The following MX2 variants were observed in gnomAD, a reference collection of about 807,000 sequenced individuals.
The protein encoded by MX2 is interferon-induced GTP-binding protein Mx2.
Under a neutral mutation model 74.0 loss-of-function variants are expected in MX2, and 51 were observed. That is an observed-to-expected ratio of 0.69 (90% CI 0.55 to 0.87). MX2 has a LOEUF of 0.87. MX2 is among the 40% of genes least tolerant of loss of function. The pLI is 0.00. For missense variants in MX2, 832 were observed against 908.7 expected (o/e 0.92, Z 1.09); for synonymous variants, 369 against 339.3 (o/e 1.09, Z -0.96).
chr21:41,376,119 G>A (rs2089398069), intron 1 of MX2, among the ~76,000 whole-genome samples: 1 of 152,216 alleles, frequency 6.6e-6, no homozygotes, highest in South Asian at 2.1e-4. Context: ...CGGGTGTGAG[G>A]CCAGGTCTGG....
In MX2 at chr21:41,380,854, A is replaced by G. The variant is rs1197649631; in HGVS notation, c.577+703A>G. ...CTGCCCCAGGCACTGGAGCCTCTCA[A>G]CCTCCCTAAAGGCTTCTCCCCTATC... On this transcript the variant is annotated intron_variant, in intron 4 of 13. Coordinates refer to ENST00000330714, the MANE Select transcript of MX2 (RefSeq NM_002463.2). The surrounding 1 kb of genome is among the most constrained non-coding windows in gnomAD (Gnocchi z 4.3). Among the ~76,000 whole-genome samples the G allele has an allele frequency of 6.6e-6, 1 of 151,908 alleles. No homozygotes were observed. The highest frequency in any genetic ancestry group is 1.5e-5 in the Non-Finnish European group (1 of 67,968).
chr21:41,402,949 A>G lies in MX2; in HGVS notation c.1574-318A>G, dbSNP rs1052930855. On this transcript the variant is annotated intron_variant, in intron 11 of 13. Coordinates refer to ENST00000330714, the MANE Select transcript of MX2 (RefSeq NM_002463.2). This position sits in a 1 kb window ranked among gnomAD's most constrained non-coding sequence, Gnocchi z 4.5. ...AGCAGTGCTCACTAGCTCACTGCACACCTCCTGCCGGACACGGACTGGAAC... is the reference window on the plus strand; with the variant it reads ...AGCAGTGCTCACTAGCTCACTGCACGCCTCCTGCCGGACACGGACTGGAAC... The G allele has an allele frequency of 1.6e-5, 5 of 317,312 alleles. No individual in the cohort carries two copies. The highest frequency in any genetic ancestry group is 3.1e-5 in the Non-Finnish European group (5 of 162,580). 19.7% of individuals were successfully genotyped at this position (317,312 alleles called of 1,614,324 possible). A position where few individuals can be genotyped will look rare whatever the true frequency, so the allele number is the denominator to read the frequency against.
At chr21:41,403,599 C>G (rs186997228) in intron 12 of MX2, 1 of 705,198 alleles carries the variant, frequency 1.4e-6, no homozygotes, top group Non-Finnish European at 2.7e-6. Context: ...TTCTGCACGA[C>G]CTTACGCAGG....
intron 1 of MX2, among the ~76,000 whole-genome samples, chr21:41,369,188 AG>A (rs905024819): frequency 2.9e-4 from 44 of 152,126 alleles, no homozygotes; most frequent in Admixed American, 1.0e-3. Context: ...CCATGGGAGG[AG>A]GGGGGTGCAG....
intron 1 of MX2, chr21:41,373,805 T>TAAAAAAAA (rs34254609): frequency 9.9e-5 from 9 of 91,152 alleles, no homozygotes; most frequent in African/African-American, 3.4e-4. Flanking sequence ...CTCTCAAACT[T>TAAAAAAAA]AAAAAAAAAA....
At chr21:41,399,497 A>C (rs2089782182) in intron 10 of MX2, 160 bp downstream of exon 10, 1 of 722,628 alleles carries the variant, frequency 1.4e-6, no homozygotes, top group Non-Finnish European at 2.2e-6. Context: ...AAAACCCAGA[A>C]ATATGGGGCA....
chr21:41,382,436 C>CG lies in MX2; in HGVS notation c.608dup (p.Ile204HisfsTer4). The stretch of plus-strand genomic sequence containing the variant: ...CCAGAACGTCATGGCCGGGAATGGC[C>CG]GGGGCATCAGCCATGAGCTCATCAG... On this transcript the variant is annotated frameshift_variant, in exon 5 of 14. Transcript: ENST00000330714. LOFTEE classifies it high-confidence loss of function. 1 of 1,614,110 alleles carries CG rather than the reference C, an allele frequency of 6.2e-7. No homozygotes were observed. The highest frequency in any genetic ancestry group is 8.5e-7 in the Non-Finnish European group (1 of 1,180,036).
At chr21:41,376,799 T>C in intron 1 of MX2, 37 bp from the exon 2 acceptor site, 2 of 1,516,896 alleles carry the variant, frequency 1.3e-6, no homozygotes, top group Non-Finnish European at 8.9e-7. Context: ...GGACTTCTGG[T>C]GACCTGTGGG....
chr21:41,390,458 G>A lies in MX2; in HGVS notation c.733-107G>A, dbSNP rs113607310. The A allele has an allele frequency of 1.1e-4, 168 of 1,492,026 alleles. No homozygotes were observed. In the African/African-American group the frequency reaches 2.2e-3, roughly 19 times the overall value. 92.4% of individuals were successfully genotyped at this position (1,492,026 alleles called of 1,614,324 possible). A position where few individuals can be genotyped will look rare whatever the true frequency, so the allele number is the denominator to read the frequency against. ...GCCTAGCAAAGCCCAGAGTCACACT[G>A]TGGGACAATGTTGCCTTTGCGCCAT... On this transcript the variant is annotated intron_variant, in intron 5 of 13. Transcript: ENST00000330714.
At chr21:41,390,787 C>A in intron 6 of MX2, 84 bp downstream of exon 6, 1 of 1,470,024 alleles carries the variant, frequency 6.8e-7, no homozygotes, top group Non-Finnish European at 9.4e-7. Flanking sequence ...GGGCGGATCA[C>A]GAGGTCAGGA....
At chr21:41,385,664 C>T (rs924288749) in intron 5 of MX2, among the ~76,000 whole-genome samples, 2 of 152,118 alleles carry the variant, frequency 1.3e-5, no homozygotes, top group Non-Finnish European at 2.9e-5. Context: ...TTAGAGGCCA[C>T]TATAGAGCTA....
chr21:41,370,944 G>C (rs1226472228), intron 1 of MX2, among the ~76,000 whole-genome samples: 1 of 152,248 alleles, frequency 6.6e-6, no homozygotes, highest in Non-Finnish European at 1.5e-5. Context: ...ATGGGTGGCA[G>C]ATCCAGCAAG....
intron 4 of MX2, among the ~76,000 whole-genome samples, chr21:41,381,681 T>G (rs2089495536): frequency 9.3e-6 from 1 of 107,802 alleles, no homozygotes; most frequent in Admixed American, 1.1e-4. Context: ...CGAGACTCTG[T>G]CTCAAAAAAA....
At chr21:41,381,232 C>T (rs1197997037) in intron 4 of MX2, among the ~76,000 whole-genome samples, 1 of 152,234 alleles carries the variant, frequency 6.6e-6, no homozygotes, top group Non-Finnish European at 1.5e-5. Flanking sequence ...GCTGTGCCCA[C>T]CACAGCTACT....
Position 41,377,911 on chromosome 21 carries a change from C to A in MX2, c.372C>A (p.Ile124=). 4 of 1,614,212 alleles carry A rather than the reference C, an allele frequency of 2.5e-6. No individual in the cohort carries two copies. The highest frequency in any genetic ancestry group is 3.4e-6 in the Non-Finnish European group (4 of 1,180,042). The change falls in exon 3 of 14, where the codon ATC becomes ATA. Residue 124 remains isoleucine (I), a synonymous_variant. Coordinates refer to ENST00000330714, the MANE Select transcript of MX2 (RefSeq NM_002463.2). ...TGGCCCTGCCAGCCATCGCCGTCAT[C>A]GGGGACCAGAGCTCGGGCAAGAGCT... ...QDLALPAIAV[I]GDQSSGKSSV... is the part of the protein sequence containing the mutation.
rs2089290004 is a variant in MX2, at chr21:41,368,743, T to C, written c.-72+6688T>C. On this transcript the variant is annotated intron_variant, in intron 1 of 13. Coordinates refer to ENST00000330714, the MANE Select transcript of MX2 (RefSeq NM_002463.2). The surrounding 1 kb of genome is among the most constrained non-coding windows in gnomAD (Gnocchi z 4.6). ...AAAGGAACCCTCCTTTCCCTTGTTC[T>C]TTCTTCCCATGGAGAGGAAGAAGTT... Among the ~76,000 whole-genome samples the C allele has an allele frequency of 1.3e-5, 2 of 152,260 alleles. No individual in the cohort carries two copies.
rs548232481 is a variant in MX2, at chr21:41,390,503, G to A, written c.733-62G>A. Reference sequence around the variant, plus strand: ...CGCCATCATGCCTGCCTGCCTGGCCGTGCTGCTGAGTGACCAGAAGTGAGA... The same window carrying A: ...CGCCATCATGCCTGCCTGCCTGGCCATGCTGCTGAGTGACCAGAAGTGAGA... On this transcript the variant is annotated intron_variant, in intron 5 of 13. Coordinates refer to ENST00000330714, the MANE Select transcript of MX2 (RefSeq NM_002463.2). 3.6e-5 allele frequency: 57 copies of A among 1,605,068 alleles called. No individual in the cohort carries two copies. In the African/African-American group the frequency reaches 5.7e-4, roughly 16 times the overall value.
intron 8 of MX2, among the ~76,000 whole-genome samples, chr21:41,398,245 G>A (rs893353258): frequency 6.6e-6 from 1 of 152,212 alleles, no homozygotes; most frequent in African/African-American, 2.4e-5. Flanking sequence ...GAAGGTGGAG[G>A]TTGTGGTGAG....
intron 1 of MX2, among the ~76,000 whole-genome samples, chr21:41,371,361 C>T (rs2089322731): frequency 6.6e-6 from 1 of 152,172 alleles, no homozygotes; most frequent in South Asian, 2.1e-4. Context: ...GGGTCAACAC[C>T]TTGGATCTTG....
Sources: gnomAD v4.1 joint callset for allele counts (sites outside exome capture counted in the v4.1 genomes callset) on GRCh38, gnomAD v4.1.1 for gene constraint, Gnocchi (gnomAD v3.1) non-coding constraint, MANE v1.5 for transcripts, NCBI Gene and HGNC (gene_info 2026-07-23, HGNC 2026-07-21) for gene names.